Variants in ERI1 observed in about 807,000 individuals in gnomAD.
ERI1 encodes exoribonuclease 1.
In ERI1, 39 loss-of-function variants were observed where a neutral mutation model predicts 39.7. That is an observed-to-expected ratio of 0.98 (90% confidence interval 0.76 to 1.28). ERI1 has a LOEUF of 1.28. ERI1 is among the 50% of genes most tolerant of loss of function. The probability of loss-of-function intolerance (pLI) is 0.00; values close to 1 mark genes in which losing one functional copy is unlikely to be tolerated. For synonymous variants in ERI1, 204 were observed against 149.6 expected (o/e 1.36, Z -2.65); for missense variants, 581 against 416.9 (o/e 1.39, Z -3.43).
At chr8:9,097,692 T>A (rs1490117758) in intron 3 of ERI1, among the ~76,000 whole-genome samples, 2 of 150,234 alleles carry the variant, frequency 1.3e-5, no homozygotes, top group African/African-American at 2.4e-5. Context: ...AAAGAGTAAT[T>A]TATCATTTAG....
intron 2 of ERI1, 122 bp from the exon 3 acceptor site, chr8:9,011,420 T>C (rs536727147): frequency 1.9e-6 from 1 of 524,712 alleles, no homozygotes; most frequent in South Asian, 3.9e-5. Context: ...ACATTTATTT[T>C]AGCTAGCATT....
chr8:9,036,065 A>C (rs533340787), downstream of ERI1, among the ~76,000 whole-genome samples: 4 of 152,364 alleles, frequency 2.6e-5, no homozygotes, highest in East Asian at 7.7e-4. Context: ...ATTACTTCTT[A>C]CAGATAAGCA....
Position 9,020,455 on chromosome 8 carries a change from T to G in ERI1, c.798T>G (p.Asn266Lys). The change falls in exon 6 of 7, where the codon AAT becomes AAG. Residue 266 changes from asparagine (N) to lysine (K), a missense_variant. By Grantham distance (94) the Asn-to-Lys change is moderately conservative. Transcript: ENST00000250263. ...KWINIRKSYG[N>K]FYKVPRSQTK... ...TCAATATTCGGAAGTCATATGGAAA[T>G]TTTTACAAGGTAAAATTTCTATATT... 1 of 1,585,352 alleles carries G rather than the reference T, an allele frequency of 6.3e-7. No homozygotes were observed. Among genetic ancestry groups the G allele is most frequent in the Non-Finnish European group, 8.6e-7 (1 of 1,164,902 alleles).
intron 5 of ERI1, among the ~76,000 whole-genome samples, chr8:9,018,772 C>T (rs1217809490): frequency 6.6e-6 from 1 of 152,160 alleles, no homozygotes. Flanking sequence ...GCCATTAATC[C>T]TCTTTAGTCA....
chr8:9,066,851 G>C (rs1172269605), intron 3 of ERI1, among the ~76,000 whole-genome samples: 3 of 152,056 alleles, frequency 2.0e-5, no homozygotes, highest in Admixed American at 6.5e-5. Context: ...TGATCGCCTT[G>C]CCTCACTGTT....
chr8:9,062,273 A>ATACT (rs1460127916), intron 3 of ERI1, among the ~76,000 whole-genome samples: 4 of 151,988 alleles, frequency 2.6e-5, no homozygotes, highest in African/African-American at 9.7e-5. Flanking sequence ...GAGGTATCTT[A>ATACT]TACTTGTGGG....
intron 3 of ERI1, among the ~76,000 whole-genome samples, chr8:9,086,442 C>A (rs1181538326): frequency 6.6e-6 from 1 of 152,106 alleles, no homozygotes; most frequent in Admixed American, 6.5e-5. Flanking sequence ...CCCAGCTACT[C>A]TGGAGGCTGA....
Position 9,031,612 on chromosome 8 carries a change from A to C in ERI1, c.*1578A>C, listed in dbSNP as rs1163936006. On this transcript the variant is annotated 3_prime_UTR_variant, in exon 7 of 7. Coordinates refer to ENST00000250263, the MANE Select transcript of ERI1 (RefSeq NM_153332.4). ...GCTGAAACTGCAATTGGAAAATCTG[A>C]TGATGACGAGGAAATATTACGTTTC... 1 of 152,190 alleles carries C rather than the reference A, an allele frequency of 6.6e-6. No homozygotes were observed. The highest frequency in any genetic ancestry group is 1.5e-5 in the Non-Finnish European group (1 of 68,030). The allele number at this position is 152,190 out of a possible 1,614,324, so 9.4% of individuals were successfully genotyped here.
At chr8:9,072,061 G>A (rs796356198) in intron 3 of ERI1, among the ~76,000 whole-genome samples, 2 of 152,156 alleles carry the variant, frequency 1.3e-5, no homozygotes, top group Admixed American at 1.3e-4. Context: ...GCAAGACCCT[G>A]TCACACACGT....
chr8:9,078,170 A>T (rs1043990899), intron 3 of ERI1, among the ~76,000 whole-genome samples: 1 of 151,926 alleles, frequency 6.6e-6, no homozygotes, highest in African/African-American at 2.4e-5. Context: ...TTGTATTTTT[A>T]GTAGAGACAA....
At chr8:9,097,662 C>T (rs1348397582) in intron 3 of ERI1, among the ~76,000 whole-genome samples, 8 of 111,058 alleles carry the variant, frequency 7.2e-5, no homozygotes, top group Admixed American at 6.8e-4. Context: ...GAATGACACT[C>T]TGTCAAAAAA....
chr8:9,041,081 A>G (rs1380460698), intron 3 of ERI1, among the ~76,000 whole-genome samples: 4 of 152,202 alleles, frequency 2.6e-5, no homozygotes, highest in Admixed American at 6.5e-5. Flanking sequence ...ATTACGCTGC[A>G]CTTCTGCTCG....
chr8:9,065,844 CTCCTGTTGCA>C (rs559561229), intron 3 of ERI1, among the ~76,000 whole-genome samples: 3 of 152,208 alleles, frequency 2.0e-5, no homozygotes, highest in Admixed American at 2.0e-4. Context: ...CCTTTTTCCT[CTCCTGTTGCA>C]AACTCATGTT....
intron 3 of ERI1, among the ~76,000 whole-genome samples, chr8:9,086,819 CTGTTGACTGAGCAAGAGTGTCAAACCA>C (rs1340053989): frequency 6.6e-6 from 1 of 152,180 alleles, no homozygotes; most frequent in East Asian, 1.9e-4. Context: ...AATACTCATA[CTGTTGACTGAGCAAGAGTGTCAAACCA>C]TTATTCTGTA....
At chr8:9,046,907 G>A (rs945438332) in intron 3 of ERI1, among the ~76,000 whole-genome samples, 4 of 152,184 alleles carry the variant, frequency 2.6e-5, no homozygotes, top group South Asian at 2.1e-4. Context: ...TTTCACACAC[G>A]CTGATTGCAG....
At chr8:9,011,799 C>A in intron 3 of ERI1, 47 bp downstream of exon 3, 2 of 1,379,160 alleles carry the variant, frequency 1.5e-6, no homozygotes, top group East Asian at 2.4e-5. Context: ...AGCAACTATT[C>A]TGGTGTTTAC....
intron 6 of ERI1, among the ~76,000 whole-genome samples, chr8:9,029,464 C>T (rs575573444): frequency 6.6e-6 from 1 of 152,124 alleles, no homozygotes; most frequent in East Asian, 1.9e-4. Context: ...AGGTAGCTGG[C>T]ATTACAGATG....
intron 5 of ERI1, among the ~76,000 whole-genome samples, chr8:9,019,704 T>C (rs759402705): frequency 2.0e-5 from 3 of 152,196 alleles, no homozygotes; most frequent in African/African-American, 4.8e-5. Flanking sequence ...TCTTATAATA[T>C]AGTTGACAGT....
At chr8:9,008,561 A>C (rs1187737885) in intron 2 of ERI1, among the ~76,000 whole-genome samples, 2 of 150,808 alleles carry the variant, frequency 1.3e-5, no homozygotes, top group African/African-American at 4.8e-5. Flanking sequence ...ACATTCACTT[A>C]ACAGGAATAT....
Sources: allele counts gnomAD v4.1 joint callset (sites outside exome capture counted in the v4.1 genomes callset), GRCh38; gene constraint gnomAD v4.1.1; transcripts MANE v1.5; gene names NCBI Gene and HGNC (gene_info 2026-07-23, HGNC 2026-07-21).